The following NAALADL2 variants were observed in gnomAD, a reference collection of about 807,000 sequenced individuals.
NAALADL2 encodes inactive N-acetylated-alpha-linked acidic dipeptidase-like protein 2.
In NAALADL2, 76 loss-of-function variants were observed where a neutral mutation model predicts 87.2. The observed-to-expected ratio is 0.87, with a 90% confidence interval of 0.72 to 1.05. The LOEUF is 1.05. NAALADL2 is among the 50% of genes least tolerant of loss of function. The probability of loss-of-function intolerance (pLI) is 0.00; values close to 1 mark genes in which losing one functional copy is unlikely to be tolerated. For synonymous variants in NAALADL2, 354 were observed against 331.0 expected, an observed-to-expected ratio of 1.07 and a Z score of -0.75; for missense variants, 1,089 against 945.8, an observed-to-expected ratio of 1.15 and a Z score of -1.99.
intron 9 of NAALADL2, among the ~76,000 whole-genome samples, chr3:175,520,895 A>G (rs1444103085): frequency 1.3e-5 from 2 of 152,164 alleles, no homozygotes; most frequent in Admixed American, 1.3e-4. Context: ...AAAGAAGAAG[A>G]AGAAAACAAA....
intron 11 of NAALADL2, among the ~76,000 whole-genome samples, chr3:175,667,346 A>C (rs1733332794): frequency 6.6e-6 from 1 of 152,190 alleles, no homozygotes; most frequent in Non-Finnish European, 1.5e-5. Flanking sequence ...AATTGACCTC[A>C]GCTCAGATAT....
At chr3:175,041,873 G>A (rs1217301495) in intron 1 of NAALADL2, among the ~76,000 whole-genome samples, 2 of 152,010 alleles carry the variant, frequency 1.3e-5, no homozygotes, top group Non-Finnish European at 2.9e-5. Flanking sequence ...TGAAATGATT[G>A]CCAAGATCAA....
chr3:175,802,087 A>G (rs570368034), intron 13 of NAALADL2, among the ~76,000 whole-genome samples: 3 of 152,234 alleles, frequency 2.0e-5, no homozygotes, highest in Non-Finnish European at 4.4e-5. Flanking sequence ...TGCCCTCCAA[A>G]TATCTGAAGC....
At chr3:175,677,534 G>T (rs1334635121) in intron 11 of NAALADL2, among the ~76,000 whole-genome samples, 6 of 150,110 alleles carry the variant, frequency 4.0e-5, no homozygotes, top group African/African-American at 1.2e-4. Flanking sequence ...TTATAGTGGG[G>T]TCACATAGAT....
intron 1 of NAALADL2, among the ~76,000 whole-genome samples, chr3:174,985,883 C>T (rs976586759): frequency 1.3e-5 from 2 of 151,626 alleles, no homozygotes; most frequent in Admixed American, 1.3e-4. Context: ...ACCTGGGAGG[C>T]GGAGGTTGTG....
At chr3:175,726,055 CCT>C in intron 11 of NAALADL2, among the ~76,000 whole-genome samples, 1 of 151,590 alleles carries the variant, frequency 6.6e-6, no homozygotes, top group South Asian at 2.1e-4. Flanking sequence ...TACTGTGGTC[CCT>C]CTCTAGAAAC....
At chr3:174,508,124 T>TTTTTTTTTTTTTTTTTTTTTTTTTTG in intron 1 of NAALADL2, among the ~76,000 whole-genome samples, 1 of 128,526 alleles carries the variant, frequency 7.8e-6, no homozygotes, top group African/African-American at 2.6e-5. Flanking sequence ...GTTTTTTTTT[T>TTTTTTTTTTTTTTTTTTTTTTTTTTG]TTTTTTTGAG....
chr3:175,398,132 C>T (rs1441617580), intron 5 of NAALADL2, among the ~76,000 whole-genome samples: 2 of 152,002 alleles, frequency 1.3e-5, no homozygotes, highest in African/African-American at 4.8e-5. Context: ...AAGTGTGTAA[C>T]CCATCATGCT....
At chr3:175,290,652 T>C (rs987083793) in intron 4 of NAALADL2, among the ~76,000 whole-genome samples, 1 of 152,204 alleles carries the variant, frequency 6.6e-6, no homozygotes, top group Non-Finnish European at 1.5e-5. Context: ...TTTTGAATTT[T>C]TGCAATCAGA....
chr3:175,172,348 A>G (rs1734966887), intron 2 of NAALADL2, among the ~76,000 whole-genome samples: 1 of 152,172 alleles, frequency 6.6e-6, no homozygotes, highest in South Asian at 2.1e-4. Context: ...CTTACTATTG[A>G]ATTATCTTCA....
intron 11 of NAALADL2, among the ~76,000 whole-genome samples, chr3:175,698,399 A>G (rs975305301): frequency 1.0e-5 from 1 of 97,104 alleles, no homozygotes; most frequent in African/African-American, 8.0e-5. Flanking sequence ...ATACATATGT[A>G]TGTGTATTTA....
At position 175,803,338 on chromosome 3, in the gene NAALADL2, A is replaced by T; in HGVS notation, c.*135A>T. The T allele has an allele frequency of 2.1e-6, 1 of 487,466 alleles. No individual in the cohort carries two copies. The highest frequency in any genetic ancestry group is 3.5e-6 in the Non-Finnish European group (1 of 283,484). The allele number at this position is 487,466 out of a possible 1,614,324, so 30.2% of individuals were successfully genotyped here. ...AAGTATAAAGCTATTATTACATTGT[A>T]TTTTTTAAATGTAAATATAGAAAGA... On this transcript the variant is annotated 3_prime_UTR_variant, in exon 14 of 14. Transcript: ENST00000454872.
intron 1 of NAALADL2, among the ~76,000 whole-genome samples, chr3:175,009,362 A>G (rs1749474850): frequency 6.6e-6 from 1 of 152,192 alleles, no homozygotes; most frequent in African/African-American, 2.4e-5. Flanking sequence ...AATGCCACAT[A>G]CAATCATTAT....
At chr3:175,178,738 T>G (rs1280421739) in intron 2 of NAALADL2, among the ~76,000 whole-genome samples, 1 of 152,064 alleles carries the variant, frequency 6.6e-6, no homozygotes, top group Admixed American at 6.6e-5. Context: ...CAACTAATGA[T>G]GCTGCTGGTC....
intron 1 of NAALADL2, among the ~76,000 whole-genome samples, chr3:174,443,409 G>T (rs941310630): frequency 1.3e-5 from 2 of 152,180 alleles, no homozygotes; most frequent in African/African-American, 4.8e-5. Flanking sequence ...GAATGTAATT[G>T]CCTAAGCAAC....
At chr3:174,485,415 A>AT (rs1385684445) in intron 1 of NAALADL2, among the ~76,000 whole-genome samples, 2 of 67,902 alleles carry the variant, frequency 2.9e-5, no homozygotes, top group African/African-American at 1.4e-4. Flanking sequence ...CCTAGTACCC[A>AT]TTATTTTTTT....
At chr3:175,206,311 TACAC>T (rs1336603398) in intron 2 of NAALADL2, among the ~76,000 whole-genome samples, 1 of 119,022 alleles carries the variant, frequency 8.4e-6, no homozygotes, top group African/African-American at 3.7e-5. Context: ...TATATATATA[TACAC>T]ATACATACAC....
chr3:175,715,965 A>G (rs1741184266), intron 11 of NAALADL2, among the ~76,000 whole-genome samples: 1 of 151,730 alleles, frequency 6.6e-6, no homozygotes, highest in Admixed American at 6.6e-5. Flanking sequence ...TCATTCATTC[A>G]TTCAGTAACT....
chr3:175,017,120 A>G (rs533424782), intron 1 of NAALADL2, among the ~76,000 whole-genome samples: 1 of 152,174 alleles, frequency 6.6e-6, no homozygotes, highest in South Asian at 2.1e-4. Flanking sequence ...TGTGGTAGAA[A>G]TAATAACTTA....
Sources: allele counts gnomAD v4.1 joint callset (sites outside exome capture counted in the v4.1 genomes callset), GRCh38; gene constraint gnomAD v4.1.1; transcripts MANE v1.5; gene names NCBI Gene and HGNC (gene_info 2026-07-23, HGNC 2026-07-21).